Variants in M1AP observed in about 807,000 individuals in gnomAD.
M1AP encodes the protein meiosis 1 arrest protein.
M1AP carries 39 observed loss-of-function variants against 51.2 expected under a neutral mutation model. That is an observed-to-expected ratio of 0.76 (90% CI 0.59 to 1.00). M1AP has a LOEUF of 1.00. M1AP is among the 50% of genes least tolerant of loss of function. M1AP has a pLI of 0.00. For synonymous variants in M1AP, 251 were observed against 249.2 expected (o/e 1.01, Z -0.07); for missense variants, 545 against 641.2 (o/e 0.85, Z 1.62).
Position 74,638,204 on chromosome 2 carries a change from G to A in M1AP, c.240+1832C>T, listed in dbSNP as rs187479204. Among the ~76,000 whole-genome samples the A allele has an allele frequency of 5.1e-3, 769 of 151,980 alleles. 12 individuals carry two copies. The highest frequency in any genetic ancestry group is 2.2e-3 in the Non-Finnish European group (152 of 67,954). Reference sequence around the variant, plus strand: ...CGAGTAGCTGGGATTACAGGCAGCCGCCATCATGCCTGGATAATTTTTGTA... The same window carrying A: ...CGAGTAGCTGGGATTACAGGCAGCCACCATCATGCCTGGATAATTTTTGTA... On this transcript the variant is annotated intron_variant, in intron 2 of 10. Coordinates refer to ENST00000421985, the MANE Select transcript of M1AP (RefSeq NM_001321739.2).
Position 74,562,336 on chromosome 2 carries a change from T to A in M1AP, c.1162A>T (p.Met388Leu), listed in dbSNP as rs202079854. The A allele has an allele frequency of 6.2e-7, 1 of 1,614,248 alleles. No individual in the cohort carries two copies. Reference sequence around the variant, plus strand: ...AGCAGTGTGAGGGAGTGTGACGGCATGATCACATAGAAGGTGCTGGCAGGA... The same window carrying A: ...AGCAGTGTGAGGGAGTGTGACGGCAAGATCACATAGAAGGTGCTGGCAGGA... ...RIPASTFYVIMPSHSLTLLVK... is the reference protein window; with the variant it reads ...RIPASTFYVILPSHSLTLLVK... Residue 388 changes from methionine (M) to leucine (L), a missense_variant, in exon 8 of 11, where the codon ATG becomes TTG. Met to Leu is a conservative substitution (Grantham distance 15, BLOSUM62 2). Coordinates refer to ENST00000421985, the MANE Select transcript of M1AP (RefSeq NM_001321739.2).
intron 7 of M1AP, among the ~76,000 whole-genome samples, chr2:74,564,601 C>A (rs1173611709): frequency 6.6e-6 from 1 of 152,226 alleles, no homozygotes; most frequent in East Asian, 1.9e-4. Flanking sequence ...CATTTTGCTT[C>A]TATCTAGAGA....
At chr2:74,623,250 T>A (rs576785524) in intron 2 of M1AP, among the ~76,000 whole-genome samples, 1 of 152,118 alleles carries the variant, frequency 6.6e-6, no homozygotes, top group Non-Finnish European at 1.5e-5. Context: ...ACGCCTGTAA[T>A]CCCAGCACTA....
intron 4 of M1AP, among the ~76,000 whole-genome samples, chr2:74,585,840 GCTT>G (rs1476115898): frequency 6.6e-6 from 1 of 152,140 alleles, no homozygotes; most frequent in Non-Finnish European, 1.5e-5. Flanking sequence ...TATGGCAGTA[GCTT>G]CTTAACTGTC....
intron 7 of M1AP, among the ~76,000 whole-genome samples, chr2:74,573,256 A>G (rs184225050): frequency 6.6e-6 from 1 of 152,192 alleles, no homozygotes; most frequent in East Asian, 1.9e-4. Context: ...GGGCTTCATC[A>G]TGTTGGCCAG....
chr2:74,586,479 T>C (rs1679716757), intron 4 of M1AP, among the ~76,000 whole-genome samples: 1 of 152,234 alleles, frequency 6.6e-6, no homozygotes, highest in Admixed American at 6.5e-5. Context: ...TGTTAGCCCA[T>C]GGCCTGCACC....
In M1AP at chr2:74,560,229, C is replaced by T; in HGVS notation, c.1344G>A (p.Leu448=). ...TYNPLHVQSH[L]YSHLSSIYAK... ...CATAGATGCTGCTCAGGTGTGAGTA[C>T]AGGTGGCTTTGAACATGCAAGGGGT... is the stretch of plus-strand genomic sequence containing the variant. Residue 448 remains leucine, a synonymous_variant, in exon 9 of 11, where the codon CTG becomes CTA. Coordinates refer to ENST00000421985, the MANE Select transcript of M1AP (RefSeq NM_001321739.2). The T allele has an allele frequency of 1.9e-6, 3 of 1,613,824 alleles. No homozygotes were observed. The highest frequency in any genetic ancestry group is 2.2e-5 in the South Asian group (2 of 90,986).
At chr2:74,569,925 T>TGC (rs1250072648) in intron 7 of M1AP, among the ~76,000 whole-genome samples, 2 of 151,734 alleles carry the variant, frequency 1.3e-5, no homozygotes, top group Non-Finnish European at 2.9e-5. Context: ...TGTGTGTGTG[T>TGC]GTGTGTGTGA....
intron 7 of M1AP, among the ~76,000 whole-genome samples, chr2:74,572,364 C>A (rs112761206): frequency 1.3e-5 from 2 of 152,152 alleles, no homozygotes; most frequent in East Asian, 1.9e-4. Flanking sequence ...CTCCCTCTGT[C>A]GCCCAGAGTG....
chr2:74,574,001 G>A (rs183082241), intron 7 of M1AP, among the ~76,000 whole-genome samples: 81 of 152,286 alleles, frequency 5.3e-4, no homozygotes, highest in African/African-American at 1.8e-3. Context: ...CAGTTACAAC[G>A]GCTCCGTTGT....
intron 9 of M1AP, 52 bp downstream of exon 9, chr2:74,560,099 T>A: frequency 6.3e-7 from 1 of 1,582,580 alleles, no homozygotes; most frequent in African/African-American, 1.4e-5. Context: ...ACTCTGGGCA[T>A]GAAGGGGAGG....
intron 2 of M1AP, among the ~76,000 whole-genome samples, chr2:74,622,515 G>A (rs901305394): frequency 3.3e-5 from 5 of 150,314 alleles, no homozygotes; most frequent in Non-Finnish European, 5.9e-5. Flanking sequence ...GATTACAGGC[G>A]TGAGCCACCG....
At chr2:74,579,790 TA>T (rs898353916) in intron 5 of M1AP, among the ~76,000 whole-genome samples, 10 of 151,682 alleles carry the variant, frequency 6.6e-5, no homozygotes, top group East Asian at 1.9e-4. Context: ...TTCTTTTTTT[TA>T]AAAAAAAATC....
intron 6 of M1AP, 54 bp downstream of exon 6, chr2:74,576,402 A>G: frequency 6.3e-7 from 1 of 1,582,612 alleles, no homozygotes; most frequent in East Asian, 2.2e-5. Flanking sequence ...TCCTAGCCAC[A>G]GAACCACTAA....
At chr2:74,628,972 G>T in intron 2 of M1AP, 2 of 259,862 alleles carry the variant, frequency 7.7e-6, no homozygotes, top group East Asian at 9.8e-5. Flanking sequence ...TAATGGTGAT[G>T]ATACTAAACT....
intron 1 of M1AP, among the ~76,000 whole-genome samples, chr2:74,646,016 A>T (rs568113036): frequency 7.0e-4 from 107 of 152,234 alleles, no homozygotes; most frequent in Non-Finnish European, 1.4e-3. Flanking sequence ...CTAGCTCTTT[A>T]GTTCACGAAT....
chr2:74,578,226 A>G (rs533409682), intron 5 of M1AP, among the ~76,000 whole-genome samples: 1 of 152,336 alleles, frequency 6.6e-6, no homozygotes, highest in South Asian at 2.1e-4. Flanking sequence ...CCCCAGACCA[A>G]CTGAATCAGG....
intron 6 of M1AP, among the ~76,000 whole-genome samples, 198 bp from the exon 7 acceptor site, chr2:74,575,777 G>A (rs1219339406): frequency 6.6e-6 from 1 of 152,244 alleles, no homozygotes; most frequent in Admixed American, 6.5e-5. Flanking sequence ...AGGAACCTGT[G>A]CATGGGCACA....
At chr2:74,603,148 G>A (rs1680767091) in intron 4 of M1AP, among the ~76,000 whole-genome samples, 1 of 152,222 alleles carries the variant, frequency 6.6e-6, no homozygotes, top group African/African-American at 2.4e-5. Flanking sequence ...CCCATTCTGT[G>A]ACCAGGAAGG....
Sources: gnomAD v4.1 joint callset for allele counts (sites outside exome capture counted in the v4.1 genomes callset) on GRCh38, gnomAD v4.1.1 for gene constraint, MANE v1.5 for transcripts, NCBI Gene and HGNC (gene_info 2026-07-23, HGNC 2026-07-21) for gene names.